Variants in MED27 observed in about 807,000 individuals in gnomAD.
The protein encoded by MED27 is mediator of RNA polymerase II transcription subunit 27.
A neutral mutation model predicts 38.2 loss-of-function variants in MED27; 30 were observed. That is an observed-to-expected ratio of 0.79 (90% CI 0.59 to 1.07). MED27 has a LOEUF of 1.07. MED27 is among the 50% of genes least tolerant of loss of function. The probability of loss-of-function intolerance (pLI) is 0.00; values close to 1 mark genes in which losing one functional copy is unlikely to be tolerated. For synonymous variants in MED27, 122 were observed against 153.5 expected, an observed-to-expected ratio of 0.79 and a Z score of 1.52; for missense variants, 289 against 397.5, an observed-to-expected ratio of 0.73 and a Z score of 2.32.
intron 4 of MED27, among the ~76,000 whole-genome samples, chr9:131,926,187 C>T (rs980178528): frequency 2.6e-5 from 4 of 152,216 alleles, no homozygotes; most frequent in Non-Finnish European, 5.9e-5. Context: ...AGACAGGCTC[C>T]GTGAGGGCAA....
At chr9:132,014,532 A>G in intron 2 of MED27, 65 bp from the exon 3 acceptor site, 3 of 1,519,704 alleles carry the variant, frequency 2.0e-6, no homozygotes, top group Non-Finnish European at 2.7e-6. Flanking sequence ...GACAAATGGT[A>G]TTAAACTAGC....
intron 4 of MED27, among the ~76,000 whole-genome samples, chr9:131,912,705 A>T (rs1197997241): frequency 6.6e-6 from 1 of 152,236 alleles, no homozygotes; most frequent in Non-Finnish European, 1.5e-5. Flanking sequence ...ATCCACTCTT[A>T]AATTCCTTTT....
At position 131,913,201 on chromosome 9, in the gene MED27, C is replaced by T. The variant is rs1302441127; in HGVS notation, c.574-19209G>A. Among the ~76,000 whole-genome samples the T allele has an allele frequency of 1.3e-5, 2 of 152,148 alleles. No homozygotes were observed. Among genetic ancestry groups the T allele is most frequent in the African/African-American group, 4.8e-5 (2 of 41,428 alleles). On this transcript the variant is annotated intron_variant, in intron 4 of 7. Transcript: ENST00000292035. The surrounding 1 kb of genome is among the most constrained non-coding windows in gnomAD (Gnocchi z 4.5). ...CATTTCAATACATTTCCCTTAGTCC[C>T]CTACATGCACTAGGAGCTTTCTGTA...
At chr9:132,036,950 C>T (rs1233232036) in intron 2 of MED27, among the ~76,000 whole-genome samples, 1 of 152,138 alleles carries the variant, frequency 6.6e-6, no homozygotes, top group Non-Finnish European at 1.5e-5. Flanking sequence ...AGCAGAGGCA[C>T]TGCCTGTAAA....
intron 5 of MED27, among the ~76,000 whole-genome samples, chr9:131,888,536 C>T (rs117674847): frequency 3.2e-4 from 49 of 152,364 alleles, no homozygotes; most frequent in Non-Finnish European, 5.1e-4. Context: ...ATTCATGTAA[C>T]AGCAAGTGAA....
chr9:131,955,526 A>G (rs1325217512), intron 3 of MED27, among the ~76,000 whole-genome samples: 1 of 152,220 alleles, frequency 6.6e-6, no homozygotes, highest in East Asian at 1.9e-4. Context: ...ACTGATCAAG[A>G]GCAAAAAGAG....
At chr9:132,006,975 A>T (rs1832372141) in intron 3 of MED27, among the ~76,000 whole-genome samples, 1 of 152,232 alleles carries the variant, frequency 6.6e-6, no homozygotes. Context: ...GATAAGCACC[A>T]TGTGTAATTT....
chr9:131,970,513 A>G (rs971012430), intron 3 of MED27, among the ~76,000 whole-genome samples: 7 of 152,262 alleles, frequency 4.6e-5, no homozygotes, highest in Non-Finnish European at 7.3e-5. Context: ...CGAACAGGAC[A>G]GTCCACACCA....
Position 132,073,710 on chromosome 9 carries a change from A to G in MED27, c.348+3732T>C, listed in dbSNP as rs565525207. 68 of 1,518,832 alleles carry G rather than the reference A, an allele frequency of 4.5e-5. No homozygotes were observed. In the East Asian group the frequency reaches 8.9e-4, roughly 20 times the overall value. 94.1% of individuals were successfully genotyped at this position (1,518,832 alleles called of 1,614,324 possible). A position where few individuals can be genotyped will look rare whatever the true frequency, so the allele number is the denominator to read the frequency against. On this transcript the variant is annotated intron_variant, in intron 2 of 7. Coordinates refer to ENST00000292035, the MANE Select transcript of MED27 (RefSeq NM_004269.4). ...GGAGGAAATGTCTTCAGACTTTCCA[A>G]TGGAATATTCTTGGAATAGAAAGTT...
chr9:132,034,656 T>C (rs904308272), intron 2 of MED27, among the ~76,000 whole-genome samples: 3 of 152,122 alleles, frequency 2.0e-5, no homozygotes, highest in Admixed American at 6.5e-5. Flanking sequence ...TCCTGTCTCC[T>C]CAGCAATCTC....
intron 2 of MED27, among the ~76,000 whole-genome samples, chr9:132,018,692 C>T (rs1210493687): frequency 6.6e-6 from 1 of 152,150 alleles, no homozygotes; most frequent in South Asian, 2.1e-4. Context: ...GCTACAGCAT[C>T]CCATCATATG....
intron 4 of MED27, among the ~76,000 whole-genome samples, chr9:131,915,459 C>T (rs1039491303): frequency 3.3e-5 from 5 of 152,018 alleles, no homozygotes; most frequent in Admixed American, 6.6e-5. Flanking sequence ...TAACTAAAAA[C>T]GTAACTCAAG....
At chr9:131,932,235 T>C (rs1208985203) in intron 4 of MED27, among the ~76,000 whole-genome samples, 1 of 151,580 alleles carries the variant, frequency 6.6e-6, no homozygotes, top group Non-Finnish European at 1.5e-5. Flanking sequence ...TTGAAAACCA[T>C]ACAAACACAC....
intron 6 of MED27, among the ~76,000 whole-genome samples, chr9:131,880,140 C>T (rs1464503254): frequency 1.3e-5 from 2 of 152,186 alleles, no homozygotes; most frequent in South Asian, 2.1e-4. Flanking sequence ...CTACACCGCG[C>T]ATGCTTCGTG....
At chr9:131,953,327 A>G (rs1456683054) in intron 3 of MED27, among the ~76,000 whole-genome samples, 1 of 152,244 alleles carries the variant, frequency 6.6e-6, no homozygotes, top group Admixed American at 6.5e-5. Flanking sequence ...AGGCCACTGC[A>G]AAGTTTGCTT....
At chr9:131,891,279 G>C (rs1839224932) in intron 5 of MED27, among the ~76,000 whole-genome samples, 1 of 152,246 alleles carries the variant, frequency 6.6e-6, no homozygotes, top group East Asian at 1.9e-4. Context: ...CTGGAGATAA[G>C]ATGAGGTGTG....
intron 3 of MED27, among the ~76,000 whole-genome samples, chr9:131,955,229 T>C (rs143429030): frequency 2.8e-3 from 430 of 152,298 alleles, no homozygotes; most frequent in African/African-American, 6.7e-3. Context: ...TACCTTGGGC[T>C]GAATGATAAA....
intron 4 of MED27, among the ~76,000 whole-genome samples, chr9:131,908,519 T>C (rs1169882988): frequency 6.6e-6 from 1 of 152,198 alleles, no homozygotes; most frequent in Admixed American, 6.5e-5. Flanking sequence ...ACTTTTCATT[T>C]TGTTCTGTAC....
intron 2 of MED27, among the ~76,000 whole-genome samples, chr9:132,031,448 C>G (rs1166528664): frequency 1.3e-5 from 2 of 152,180 alleles, no homozygotes; most frequent in Non-Finnish European, 2.9e-5. Flanking sequence ...CAGATAACTT[C>G]TAAAACAGCA....
Sources: gnomAD v4.1 joint callset for allele counts (sites outside exome capture counted in the v4.1 genomes callset) on GRCh38, gnomAD v4.1.1 for gene constraint, Gnocchi (gnomAD v3.1) non-coding constraint, MANE v1.5 for transcripts, NCBI Gene and HGNC (gene_info 2026-07-23, HGNC 2026-07-21) for gene names.